MACROD2: variants seen among roughly 807,000 people sequenced by gnomAD.
MACROD2 encodes ADP-ribose glycohydrolase MACROD2.
Under a neutral mutation model 70.4 loss-of-function variants are expected in MACROD2, and 36 were observed. The observed-to-expected ratio is 0.51, with a 90% CI of 0.39 to 0.68. MACROD2 has a LOEUF of 0.68. Ranked by LOEUF, MACROD2 falls within the 30% of genes least tolerant of loss-of-function variation. The pLI is 0.00. For synonymous variants in MACROD2, 172 were observed against 178.8 expected, an observed-to-expected ratio of 0.96 and a Z score of 0.30; for missense variants, 496 against 538.4, an observed-to-expected ratio of 0.92 and a Z score of 0.78.
chr20:15,364,076 G>C (rs1189761677), intron 6 of MACROD2, among the ~76,000 whole-genome samples: 1 of 152,148 alleles, frequency 6.6e-6, no homozygotes, highest in Non-Finnish European at 1.5e-5. Context: ...TTCCAGATGT[G>C]AGCCTGACTT....
intron 8 of MACROD2, among the ~76,000 whole-genome samples, chr20:15,793,080 G>C (rs955114515): frequency 6.6e-6 from 1 of 151,984 alleles, no homozygotes; most frequent in African/African-American, 2.4e-5. Flanking sequence ...TTAAAGTGAC[G>C]ATCACTGTGT....
rs970981430 is a variant in MACROD2 at position 15,979,088 on chromosome 20, G to T, written c.986-7639G>T. ...GCAGAGAATGAATCAAGGGGAAGTA[G>T]TATCATGGGCAGTTTAAAAATAATT... On this transcript the variant is annotated intron_variant, in intron 13 of 17. Transcript: ENST00000684519. 7.9e-5 allele frequency among the ~76,000 whole-genome samples: 12 copies of T among 152,312 alleles called. No homozygotes were observed. The East Asian group carries it at 1.7e-3, about 22-fold the overall frequency.
rs767141168 is a variant in MACROD2 at position 14,493,439 on chromosome 20, A to G, written c.272-40A>G. The G allele has an allele frequency of 3.9e-6, 6 of 1,555,310 alleles. No individual in the cohort carries two copies. The East Asian group carries it at 9.0e-5, about 23-fold the overall frequency. On this transcript the variant is annotated intron_variant, in intron 3 of 17. Transcript: ENST00000684519. ...CTCTGATATACTATATTTCTTATAC[A>G]TATTATTTAATGTCTTTTGTTGTGT... is the stretch of plus-strand genomic sequence containing the variant.
chr20:16,043,971 G>A (rs2067342639), intron 16 of MACROD2, among the ~76,000 whole-genome samples: 1 of 152,072 alleles, frequency 6.6e-6, no homozygotes, highest in Non-Finnish European at 1.5e-5. Flanking sequence ...TCAGTTGAGG[G>A]AAGAGGCAAT....
At chr20:15,415,836 T>C (rs1449958347) in intron 6 of MACROD2, among the ~76,000 whole-genome samples, 1 of 152,198 alleles carries the variant, frequency 6.6e-6, no homozygotes, top group Non-Finnish European at 1.5e-5. Context: ...CAATCTAGTG[T>C]ATGGACTAAG....
intron 5 of MACROD2, among the ~76,000 whole-genome samples, chr20:15,014,358 G>A (rs1194140586): frequency 1.3e-5 from 2 of 152,182 alleles, no homozygotes; most frequent in Admixed American, 6.5e-5. Flanking sequence ...TTATGGTGAT[G>A]TGAAGGAAAT....
chr20:14,895,655 TAGCCTCTTTATAA>T (rs1392204384), intron 5 of MACROD2: 1 of 152,066 alleles, frequency 6.6e-6, no homozygotes, highest in East Asian at 1.9e-4. Context: ...GGTGGGGAGG[TAGCCTCTTTATAA>T]GAATCTTCAA....
chr20:15,104,452 A>G (rs532887431), intron 5 of MACROD2, among the ~76,000 whole-genome samples: 1 of 152,326 alleles, frequency 6.6e-6, no homozygotes, highest in South Asian at 2.1e-4. Context: ...GAACTGCTAT[A>G]AACCCATAAA....
Position 15,368,461 on chromosome 20 carries a change from C to CTT in MACROD2, c.541-62927_541-62926dup, listed in dbSNP as rs11479469. Among the ~76,000 whole-genome samples the CTT allele has an allele frequency of 3.0e-3, 406 of 136,814 alleles. 3 individuals are homozygous for CTT. The highest frequency in any genetic ancestry group is 7.4e-3 in the South Asian group (31 of 4,194). The allele number at this position is 136,814 out of a possible 152,430, so 89.8% of individuals were successfully genotyped here. ...TATTTTCTCTTCTACCAATCACAAA[C>CTT]TTTTTTTTTTTTTTTTTTGAGACAG... On this transcript the variant is annotated intron_variant, in intron 6 of 17. Transcript: ENST00000684519.
rs560312243 is a variant in MACROD2 at position 14,921,554 on chromosome 20, C to T, written c.418+236595C>T. The stretch of plus-strand genomic sequence containing the variant: ...TCTTTGCCTTGGCGTCTTTGTTAGT[C>T]ATTGCATACCTAAAGGCTAATTTCT... On this transcript the variant is annotated intron_variant, in intron 5 of 17. Coordinates refer to ENST00000684519, the MANE Select transcript of MACROD2 (RefSeq NM_001351661.2). 2.0e-5 allele frequency among the ~76,000 whole-genome samples: 3 copies of T among 152,310 alleles called. No homozygotes were observed. In the East Asian group the frequency reaches 5.8e-4, roughly 29 times the overall value.
chr20:14,667,598 C>T (rs375787091), intron 4 of MACROD2, among the ~76,000 whole-genome samples: 7 of 152,286 alleles, frequency 4.6e-5, no homozygotes, highest in East Asian at 3.9e-4. Flanking sequence ...GAGGAAAGCA[C>T]ATGTGGCTCA....
chr20:15,031,596 A>C (rs2075274740), intron 5 of MACROD2, among the ~76,000 whole-genome samples: 2 of 152,096 alleles, frequency 1.3e-5, no homozygotes, highest in African/African-American at 4.8e-5. Flanking sequence ...GCTCCTTTCC[A>C]CAGGCAGGCC....
chr20:16,044,571 TTGAAA>T lies in MACROD2; in HGVS notation c.1237_1241del (p.Met413Ter), dbSNP rs773899138. 6.2e-7 allele frequency: 1 copy of T among 1,611,116 alleles called. No homozygotes were observed. The highest frequency in any genetic ancestry group is 8.5e-7 in the Non-Finnish European group (1 of 1,178,772). On this transcript the variant is annotated frameshift_variant and splice_region_variant, in exon 17 of 18. Coordinates refer to ENST00000684519, the MANE Select transcript of MACROD2 (RefSeq NM_001351661.2). LOFTEE classifies it high-confidence loss of function. ...ACTTTTTTTTTTTTTCTGGTGACAG[TTGAAA>T]TGAATAGTCAGGTTGACAAGGTAAA...
At chr20:15,328,954 G>A (rs547006969) in intron 6 of MACROD2, among the ~76,000 whole-genome samples, 115 of 152,030 alleles carry the variant, frequency 7.6e-4, no homozygotes, top group African/African-American at 2.3e-3. Flanking sequence ...AATATACAGC[G>A]ATGAAGAAAT....
chr20:15,593,879 G>A lies in MACROD2; in HGVS notation c.645+94032G>A, dbSNP rs464279. Among the ~76,000 whole-genome samples, 713 of 152,306 alleles carry A rather than the reference G, an allele frequency of 4.7e-3. 4 individuals are homozygous for A. Among genetic ancestry groups the A allele is most frequent in the Middle Eastern group, 0.014 (4 of 294 alleles). ...TCTGGCATCTTTCAGAAAGGCTGGA[G>A]GAAGCCACTTATTGATGCTGTGTAT... On this transcript the variant is annotated intron_variant, in intron 8 of 17. Transcript: ENST00000684519.
chr20:14,762,862 A>G (rs6034032), intron 5 of MACROD2, among the ~76,000 whole-genome samples: 10,688 of 152,148 alleles, frequency 0.07, 560 homozygotes, highest in African/African-American at 0.13. Context: ...CCCAGGAGGT[A>G]GAGGTTGCGG....
chr20:14,629,759 T>G (rs1364816219), intron 4 of MACROD2, among the ~76,000 whole-genome samples: 1 of 152,188 alleles, frequency 6.6e-6, no homozygotes, highest in East Asian at 1.9e-4. Context: ...GCAGACTGGT[T>G]CTTTTCCCTC....
chr20:15,773,522 C>T (rs1166055835), intron 8 of MACROD2, among the ~76,000 whole-genome samples: 1 of 152,106 alleles, frequency 6.6e-6, no homozygotes, highest in African/African-American at 2.4e-5. Flanking sequence ...AATGATATTA[C>T]TAATTAATTA....
intron 2 of MACROD2, among the ~76,000 whole-genome samples, chr20:14,083,073 G>GTCCATGAA (rs1392660852): frequency 6.6e-6 from 1 of 151,122 alleles, no homozygotes; most frequent in East Asian, 1.9e-4. Context: ...TAGTATTGTG[G>GTCCATGAA]TCCATGAATG....
Sources: allele counts gnomAD v4.1 joint callset (sites outside exome capture counted in the v4.1 genomes callset), GRCh38; gene constraint gnomAD v4.1.1; transcripts MANE v1.5; gene names NCBI Gene and HGNC (gene_info 2026-07-23, HGNC 2026-07-21).